Variants in CIRSR observed in about 807,000 individuals in gnomAD.
CIRSR encodes corepressor of RBPJ and splicing regulator.
the CIRSR span, among the ~76,000 whole-genome samples, chr2:174,354,450 A>G: frequency 8.0e-4 from 75 of 93,534 alleles, 2 homozygotes; most frequent in East Asian, 0.012. Context: ...AATATATTAT[A>G]TAATATAATA....
chr2:174,390,733 G>A, the CIRSR span, among the ~76,000 whole-genome samples: 4 of 152,290 alleles, frequency 2.6e-5, no homozygotes, highest in South Asian at 2.1e-4. Context: ...AATAAAAGGG[G>A]CTGTTACCTC....
the CIRSR span, among the ~76,000 whole-genome samples, chr2:174,379,477 G>A: frequency 1.3e-5 from 2 of 152,068 alleles, no homozygotes; most frequent in Non-Finnish European, 2.9e-5. Flanking sequence ...CTATTCTAAC[G>A]ACTCAACTCT....
At chr2:174,356,522 A>G in the CIRSR span, among the ~76,000 whole-genome samples, 6 of 135,528 alleles carry the variant, frequency 4.4e-5, no homozygotes, top group Admixed American at 2.9e-4. Flanking sequence ...GAAGAAAGAA[A>G]GAAAGAAGAA....
the CIRSR span, among the ~76,000 whole-genome samples, chr2:174,382,169 T>C: frequency 1.3e-5 from 2 of 152,180 alleles, no homozygotes; most frequent in African/African-American, 2.4e-5. Context: ...TTTTCTTGAT[T>C]GTAAGGGATC....
the CIRSR span, among the ~76,000 whole-genome samples, chr2:174,375,958 A>G: frequency 2.0e-5 from 3 of 152,202 alleles, no homozygotes; most frequent in Admixed American, 6.5e-5. Flanking sequence ...TTCTGGCTCA[A>G]ACAATCCTCC....
chr2:174,357,455 T>A, the CIRSR span, among the ~76,000 whole-genome samples: 2 of 152,234 alleles, frequency 1.3e-5, no homozygotes, highest in African/African-American at 2.4e-5. Context: ...GTTCTTGTAA[T>A]CACTTTCCCA....
the CIRSR span, among the ~76,000 whole-genome samples, chr2:174,393,962 C>T: frequency 6.6e-6 from 1 of 152,258 alleles, no homozygotes; most frequent in Admixed American, 6.5e-5. Context: ...GAAAGGTCTG[C>T]TAATCAAAAA....
the CIRSR span, among the ~76,000 whole-genome samples, chr2:174,376,927 A>G: frequency 2.0e-5 from 3 of 152,162 alleles, no homozygotes; most frequent in Admixed American, 2.0e-4. Context: ...CAATACTCTT[A>G]AAAACAGGTT....
the CIRSR span, chr2:174,378,722 C>T: frequency 2.0e-5 from 11 of 560,594 alleles, 1 homozygote; most frequent in South Asian, 2.0e-4. Flanking sequence ...TAAACTTAAT[C>T]CTATTACACA....
chr2:174,381,014 T>A, the CIRSR span, among the ~76,000 whole-genome samples: 1 of 152,206 alleles, frequency 6.6e-6, no homozygotes, highest in Non-Finnish European at 1.5e-5. Context: ...AATTAATAAG[T>A]ATGTTAATTC....
chr2:174,381,913 C>A, the CIRSR span: 1 of 592,286 alleles, frequency 1.7e-6, no homozygotes, highest in South Asian at 2.6e-5. Flanking sequence ...TAAAACTTTA[C>A]TCCACTAACT....
the CIRSR span, among the ~76,000 whole-genome samples, chr2:174,373,880 T>C: frequency 2.0e-5 from 3 of 149,770 alleles, no homozygotes; most frequent in Non-Finnish European, 4.4e-5. Context: ...AACACACACA[T>C]ACACACACAC....
the CIRSR span, among the ~76,000 whole-genome samples, chr2:174,372,690 C>T: frequency 1.3e-5 from 2 of 152,106 alleles, no homozygotes; most frequent in Admixed American, 1.3e-4. Flanking sequence ...TTGAGCGATT[C>T]TCGTGCCTCA....
the CIRSR span, among the ~76,000 whole-genome samples, chr2:174,376,239 A>T: frequency 6.6e-6 from 1 of 152,210 alleles, no homozygotes; most frequent in African/African-American, 2.4e-5. Flanking sequence ...TAATGTTCTC[A>T]TCTTCTCCCA....
the CIRSR span, among the ~76,000 whole-genome samples, chr2:174,354,898 G>T: frequency 2.7e-5 from 4 of 147,136 alleles, no homozygotes; most frequent in Admixed American, 7.1e-5. Flanking sequence ...CACTGCACCC[G>T]GCCACTATCC....
At chr2:174,366,144 T>C in the CIRSR span, among the ~76,000 whole-genome samples, 2 of 152,074 alleles carry the variant, frequency 1.3e-5, no homozygotes, top group African/African-American at 4.8e-5. Context: ...GGCTTTAAGA[T>C]ATGTCAGTGG....
the CIRSR span, among the ~76,000 whole-genome samples, chr2:174,356,620 A>AGGAAGAAGGG: frequency 2.7e-5 from 4 of 150,180 alleles, no homozygotes; most frequent in South Asian, 4.3e-4. Context: ...GAAGGAAGGA[A>AGGAAGAAGGG]GAAGGGGAAG....
chr2:174,380,024 G>C, the CIRSR span, among the ~76,000 whole-genome samples: 1 of 151,958 alleles, frequency 6.6e-6, no homozygotes, highest in South Asian at 2.1e-4. Flanking sequence ...CACCCAGCCT[G>C]ATTTCTGTCT....
chr2:174,373,276 A>G, the CIRSR span, among the ~76,000 whole-genome samples: 296 of 143,030 alleles, frequency 2.1e-3, no homozygotes, highest in African/African-American at 7.0e-3. Context: ...TGGAAATGGA[A>G]ATTTCCCTAG....
Sources: allele counts gnomAD v4.1 joint callset (sites outside exome capture counted in the v4.1 genomes callset), GRCh38; gene constraint gnomAD v4.1.1; transcripts MANE v1.5; gene names NCBI Gene and HGNC (gene_info 2026-07-23, HGNC 2026-07-21).